Variants in BEST1 observed in about 807,000 individuals in gnomAD.
BEST1 encodes the protein bestrophin-1.
Under a neutral mutation model 63.3 loss-of-function variants are expected in BEST1, and 58 were observed. That is an observed-to-expected ratio of 0.92 (90% CI 0.74 to 1.14). The LOEUF is 1.14. Among genes scored for constraint, BEST1 ranks in the 50% most tolerant of loss-of-function variants. The probability of loss-of-function intolerance (pLI) is 0.00; values close to 1 mark genes in which losing one functional copy is unlikely to be tolerated. For synonymous variants in BEST1, 283 were observed against 291.6 expected, an observed-to-expected ratio of 0.97 and a Z score of 0.30; for missense variants, 671 against 740.1, an observed-to-expected ratio of 0.91 and a Z score of 1.08.
In BEST1 at chr11:61,955,767, C is replaced by T. The variant is rs281865227; in HGVS notation, c.297C>T (p.Asn99=). 4 of 1,549,348 alleles carry T rather than the reference C, an allele frequency of 2.6e-6. No homozygotes were observed. The highest frequency in any genetic ancestry group is 1.4e-5 in the African/African-American group (1 of 73,164). The change falls in exon 4 of 11, where the codon AAC becomes AAT. Residue 99 remains asparagine (N), a synonymous_variant. Transcript: ENST00000378043. ...VVTRWWNQYE[N]LPWPDRLMSL... ...CCCGCTGGTGGAACCAGTACGAGAA[C>T]CTGCCGTGGCCCGACCGCCTCATGA...
At chr11:61,953,849 G>A (rs1940978257) in intron 2 of BEST1, among the ~76,000 whole-genome samples, 1 of 152,142 alleles carries the variant, frequency 6.6e-6, no homozygotes, top group Non-Finnish European at 1.5e-5. Flanking sequence ...CTGTGCCACT[G>A]CCCTTGAGCC....
At chr11:61,954,477 CTT>C (rs1343844190) in intron 2 of BEST1, among the ~76,000 whole-genome samples, 1 of 152,116 alleles carries the variant, frequency 6.6e-6, no homozygotes, top group Non-Finnish European at 1.5e-5. Context: ...CACTCTGTTT[CTT>C]TTTTTCTTTT....
chr11:61,963,282 C>T, intron 10 of BEST1: 3 of 1,370,986 alleles, frequency 2.2e-6, no homozygotes, highest in East Asian at 5.1e-5. Flanking sequence ...AGGTGGCAGT[C>T]AGCTGGATGA....
At chr11:61,961,939 T>C in intron 9 of BEST1, 1 of 407,966 alleles carries the variant, frequency 2.5e-6, no homozygotes, top group Admixed American at 3.6e-5. Flanking sequence ...TGTTTCTGAC[T>C]GCCTGGAGTG....
At position 61,962,420 on chromosome 11, in the gene BEST1, C is replaced by T. The variant is rs1942163006; in HGVS notation, c.1266C>T (p.His422=). 4 of 1,614,154 alleles carry T rather than the reference C, an allele frequency of 2.5e-6. No individual in the cohort carries two copies. Among genetic ancestry groups the T allele is most frequent in the Non-Finnish European group, 3.4e-6 (4 of 1,180,038 alleles). Reference sequence around the variant, plus strand: ...GGCCCAAGAGGGAATCCCTTCTCCACGAGGGCCTGCCCAAAAACCACAAGG... The same window carrying T: ...GGCCCAAGAGGGAATCCCTTCTCCATGAGGGCCTGCCCAAAAACCACAAGG... ...LLWPKRESLL[H]EGLPKNHKAA... Residue 422 remains histidine, a synonymous_variant, in exon 10 of 11, where the codon CAC becomes CAT. Coordinates refer to ENST00000378043, the MANE Select transcript of BEST1 (RefSeq NM_004183.4).
chr11:61,956,068 GC>G, intron 4 of BEST1, 117 bp downstream of exon 4: 1 of 1,072,684 alleles, frequency 9.3e-7, no homozygotes, highest in Non-Finnish European at 1.3e-6. Flanking sequence ...ATTGGGTGGA[GC>G]CAGGAGTGGG....
rs764761141 is a variant in BEST1, at chr11:61,962,502, G to C, written c.1348G>C (p.Val450Leu). Residue 450 changes from valine to leucine, a missense_variant, in exon 10 of 11, where the codon GTG becomes CTG. By Grantham distance (32) the Val-to-Leu change is conservative. Transcript: ENST00000378043. ...EDNKAWKLKA[V>L]DAFKSAPLYQ... is the part of the protein sequence containing the mutation. Reference sequence around the variant, plus strand: ...CAACAAGGCCTGGAAGCTTAAGGCTGTGGACGCCTTCAAGTCTGCCCCACT... The same window carrying C: ...CAACAAGGCCTGGAAGCTTAAGGCTCTGGACGCCTTCAAGTCTGCCCCACT... The C allele has an allele frequency of 6.2e-7, 1 of 1,614,088 alleles. No individual in the cohort carries two copies. The highest frequency in any genetic ancestry group is 1.3e-5 in the African/African-American group (1 of 74,930).
intron 2 of BEST1, chr11:61,954,832 C>A (rs1941098391): frequency 2.0e-6 from 2 of 985,318 alleles, no homozygotes; most frequent in South Asian, 9.4e-5. Context: ...CTGGCCTCTG[C>A]AGCAGGACCT....
intron 9 of BEST1, 115 bp from the exon 10 acceptor site, chr11:61,962,140 G>C: frequency 1.9e-6 from 2 of 1,072,570 alleles, no homozygotes; most frequent in Non-Finnish European, 2.8e-6. Flanking sequence ...TGAGGAAGAC[G>C]GTGTGGCCTT....
rs554725612 is a variant in BEST1, at chr11:61,958,395, G to T, written c.867+97G>T. Reference sequence around the variant, plus strand: ...GAGGATGCAGTGTCAGGAAAGGAAGGTCTCACGGGTAGAAAGCAGCCAGGC... The same window carrying T: ...GAGGATGCAGTGTCAGGAAAGGAAGTTCTCACGGGTAGAAAGCAGCCAGGC... On this transcript the variant is annotated intron_variant, in intron 7 of 10. Coordinates refer to ENST00000378043, the MANE Select transcript of BEST1 (RefSeq NM_004183.4). The T allele has an allele frequency of 6.9e-5, 110 of 1,593,484 alleles. No individual in the cohort carries two copies. The highest frequency in any genetic ancestry group is 3.0e-4 in the East Asian group (13 of 44,040).
At chr11:61,950,976 A>G (rs1402459179) in intron 1 of BEST1, among the ~76,000 whole-genome samples, 1 of 152,130 alleles carries the variant, frequency 6.6e-6, no homozygotes, top group African/African-American at 2.4e-5. Context: ...TGGAGCCACC[A>G]TTCAGTAAAC....
At position 61,964,036 on chromosome 11, in the gene BEST1, C is replaced by T. The variant is rs143838307; in HGVS notation, c.1740-68C>T. Reference sequence around the variant, plus strand: ...CGTCTCAACCTTTGCCCTCCTACTGCAACATTTTGGTATTTGAAATGAAGG... The same window carrying T: ...CGTCTCAACCTTTGCCCTCCTACTGTAACATTTTGGTATTTGAAATGAAGG... On this transcript the variant is annotated intron_variant, in intron 10 of 10. Coordinates refer to ENST00000378043, the MANE Select transcript of BEST1 (RefSeq NM_004183.4). 2.7e-3 allele frequency: 4,410 copies of T among 1,608,790 alleles called. 14 individuals are homozygous for T. The highest frequency in any genetic ancestry group is 3.4e-3 in the Non-Finnish European group (4,053 of 1,178,800).
intron 4 of BEST1, 41 bp from the exon 5 acceptor site, chr11:61,956,803 C>A: frequency 6.2e-7 from 1 of 1,613,070 alleles, no homozygotes. Context: ...ATCCCTTCTG[C>A]AGGTTCTCCC....
At chr11:61,962,956 C>T (rs1222916345) in intron 10 of BEST1, 63 bp downstream of exon 10, 2 of 1,613,696 alleles carry the variant, frequency 1.2e-6, no homozygotes, top group Non-Finnish European at 8.5e-7. Context: ...GCTTCCCTTG[C>T]TCTGAGCCTA....
At chr11:61,957,081 C>A in intron 5 of BEST1, 83 bp downstream of exon 5, 6 of 1,593,244 alleles carry the variant, frequency 3.8e-6, no homozygotes, top group Non-Finnish European at 4.3e-6. Context: ...CAAAGAGAAG[C>A]CTTGGGCCCC....
At position 61,958,304 on chromosome 11, in the gene BEST1, C is replaced by T; in HGVS notation, c.867+6C>T. 1 of 1,614,232 alleles carries T rather than the reference C, an allele frequency of 6.2e-7. No homozygotes were observed. Among genetic ancestry groups the T allele is most frequent in the South Asian group, 1.1e-5 (1 of 91,090 alleles). ...TCTATGTTGGCTGGCTGAAGGTGGG[C>T]CTCTCCAGGGCCCTGCTGGGCTGGA... On this transcript the variant is annotated splice_donor_region_variant and intron_variant, in intron 7 of 10. Transcript: ENST00000378043.
At chr11:61,959,603 T>C (rs1213251776) in intron 8 of BEST1, 25 bp downstream of exon 8, 3 of 1,612,638 alleles carry the variant, frequency 1.9e-6, no homozygotes, top group African/African-American at 2.7e-5. Context: ...AGAGAAACCA[T>C]ACCATGGACC....
chr11:61,951,404 T>C (rs1279483757), intron 1 of BEST1, among the ~76,000 whole-genome samples: 2 of 152,124 alleles, frequency 1.3e-5, no homozygotes, highest in Admixed American at 6.5e-5. Flanking sequence ...AGACAGGGTT[T>C]CACCATGTTG....
At chr11:61,958,397 C>T in intron 7 of BEST1, 99 bp downstream of exon 7, 2 of 1,592,262 alleles carry the variant, frequency 1.3e-6, no homozygotes, top group Non-Finnish European at 1.7e-6. Flanking sequence ...AAAGGAAGGT[C>T]TCACGGGTAG....
Sources: gnomAD v4.1 joint callset for allele counts (sites outside exome capture counted in the v4.1 genomes callset) on GRCh38, gnomAD v4.1.1 for gene constraint, MANE v1.5 for transcripts, NCBI Gene and HGNC (gene_info 2026-07-23, HGNC 2026-07-21) for gene names.